NUFIP1: variants seen among roughly 807,000 people sequenced by gnomAD.
The protein encoded by NUFIP1 is FMR1-interacting protein NUFIP1.
In NUFIP1, 38 loss-of-function variants were observed where a neutral mutation model predicts 56.2. The ratio of observed to expected loss-of-function variants is 0.68; its 90% CI spans 0.52 to 0.89. The LOEUF (loss-of-function observed/expected upper bound fraction) is 0.89. Ranked by LOEUF, NUFIP1 falls within the 40% of genes least tolerant of loss-of-function variation. The probability of loss-of-function intolerance (pLI) is 0.00; values close to 1 mark genes in which losing one functional copy is unlikely to be tolerated. For missense variants in NUFIP1, 567 were observed against 605.8 expected, an observed-to-expected ratio of 0.94 and a Z score of 0.67; for synonymous variants, 215 against 212.4, an observed-to-expected ratio of 1.01 and a Z score of -0.10.
intron 6 of NUFIP1, among the ~76,000 whole-genome samples, chr13:44,962,086 T>TA (rs950489540): frequency 4.6e-5 from 7 of 151,334 alleles, no homozygotes; most frequent in Non-Finnish European, 7.4e-5. Context: ...GAGAGATTAA[T>TA]AAAAAAAAGA....
At chr13:44,986,662 A>G (rs1354040206) in intron 1 of NUFIP1, among the ~76,000 whole-genome samples, 1 of 150,344 alleles carries the variant, frequency 6.7e-6, no homozygotes, top group Non-Finnish European at 1.5e-5. Flanking sequence ...ACTGCACTCC[A>G]GCCTGGGCAA....
intron 5 of NUFIP1, among the ~76,000 whole-genome samples, chr13:44,967,877 T>C (rs1204628154): frequency 6.6e-6 from 1 of 152,228 alleles, no homozygotes; most frequent in East Asian, 1.9e-4. Flanking sequence ...CTACCCCGTC[T>C]GGCTGCTGAT....
chr13:44,952,068 A>G (rs1871099644), intron 7 of NUFIP1, among the ~76,000 whole-genome samples: 1 of 152,186 alleles, frequency 6.6e-6, no homozygotes, highest in Admixed American at 6.5e-5. Context: ...ATCACTTCAG[A>G]TAAAAGCACA....
At chr13:44,975,084 G>C (rs1450413762) in intron 5 of NUFIP1, among the ~76,000 whole-genome samples, 1 of 152,118 alleles carries the variant, frequency 6.6e-6, no homozygotes, top group African/African-American at 2.4e-5. Flanking sequence ...GGCTTCCAGA[G>C]GAAGTTTTCT....
chr13:44,981,487 G>A (rs1872187666), intron 2 of NUFIP1, among the ~76,000 whole-genome samples: 1 of 152,162 alleles, frequency 6.6e-6, no homozygotes, highest in African/African-American at 2.4e-5. Flanking sequence ...ACAAACTTCT[G>A]ACTGCACCTC....
In NUFIP1 at chr13:44,941,148, C is replaced by T; in HGVS notation, c.*58G>A. ...AAAAAAGGGTTTTGGTTTTCCTCTA[C>T]TAACGAGGATGATACTGTTTCACAT... On this transcript the variant is annotated 3_prime_UTR_variant, in exon 10 of 10. Coordinates refer to ENST00000379161, the MANE Select transcript of NUFIP1 (RefSeq NM_012345.3). The T allele has an allele frequency of 2.3e-6, 2 of 866,734 alleles. No individual in the cohort carries two copies. Among genetic ancestry groups the T allele is most frequent in the South Asian group, 1.6e-5 (1 of 60,930 alleles). The allele number at this position is 866,734 out of a possible 1,614,324, so 53.7% of individuals were successfully genotyped here.
At chr13:44,947,514 C>T (rs1870940660) in intron 8 of NUFIP1, among the ~76,000 whole-genome samples, 1 of 152,088 alleles carries the variant, frequency 6.6e-6, no homozygotes, top group Non-Finnish European at 1.5e-5. Context: ...GCTGGGATTG[C>T]AGACATGAGC....
intron 1 of NUFIP1, among the ~76,000 whole-genome samples, chr13:44,983,115 A>G (rs1872252805): frequency 6.6e-6 from 1 of 152,056 alleles, no homozygotes; most frequent in African/African-American, 2.4e-5. Context: ...TCAGCCTCCA[A>G]AGTCCTGGGA....
At chr13:44,960,133 T>C (rs184112333) in intron 6 of NUFIP1, among the ~76,000 whole-genome samples, 20 of 152,248 alleles carry the variant, frequency 1.3e-4, no homozygotes, top group African/African-American at 3.6e-4. Flanking sequence ...GGTTTCACCA[T>C]GTTGGCCAGG....
rs751535755 is a variant in NUFIP1, at chr13:44,959,536, T to A, written c.866A>T (p.Lys289Met). The A allele has an allele frequency of 4.4e-5, 71 of 1,613,196 alleles. No individual in the cohort carries two copies. The Middle Eastern group carries it at 1.8e-3, about 41-fold the overall frequency. Residue 289 changes from lysine (K) to methionine (M), a missense_variant, in exon 7 of 10, where the codon AAG (lysine) becomes ATG (methionine). Coordinates refer to ENST00000379161, the MANE Select transcript of NUFIP1 (RefSeq NM_012345.3). Reference sequence around the variant, plus strand: ...GTGATTCTTGCCAGGACTTCTGATCTTTGCCATTTGTGAATGTCTGGACAT... The same window carrying A: ...GTGATTCTTGCCAGGACTTCTGATCATTGCCATTTGTGAATGTCTGGACAT... ...KGMSRHSQMA[K>M]IRSPGKNHKW...
At position 44,940,282 on chromosome 13, in the gene NUFIP1, T is replaced by C. The variant is rs1471819143; in HGVS notation, c.*924A>G. 6 of 152,178 alleles carry C rather than the reference T, an allele frequency of 3.9e-5. No individual in the cohort carries two copies. The highest frequency in any genetic ancestry group is 7.3e-5 in the Non-Finnish European group (5 of 68,030). The allele number at this position is 152,178 out of a possible 1,614,324, so 9.4% of individuals were successfully genotyped here. A position where few individuals can be genotyped will look rare whatever the true frequency, so the allele number is the denominator to read the frequency against. On this transcript the variant is annotated 3_prime_UTR_variant, in exon 10 of 10. Transcript: ENST00000379161. ...GGTCTGTGACGTCACTAGGGTCACA[T>C]GCCAGGTGTTCCAAGATTCTGGAGA... is the stretch of plus-strand genomic sequence containing the variant.
intron 7 of NUFIP1, among the ~76,000 whole-genome samples, chr13:44,951,722 T>G (rs749531402): frequency 9.9e-5 from 15 of 152,220 alleles, no homozygotes; most frequent in African/African-American, 9.7e-5. Flanking sequence ...TCACACAAAT[T>G]TTCTGGTTTC....
intron 1 of NUFIP1, among the ~76,000 whole-genome samples, chr13:44,983,556 G>C (rs1051841489): frequency 2.6e-5 from 4 of 152,126 alleles, no homozygotes; most frequent in Non-Finnish European, 5.9e-5. Context: ...CAACACTTTG[G>C]GAGGCCAAGG....
At chr13:44,957,609 T>C (rs529986810) in intron 7 of NUFIP1, among the ~76,000 whole-genome samples, 8 of 152,340 alleles carry the variant, frequency 5.3e-5, no homozygotes, top group Non-Finnish European at 1.0e-4. Context: ...CTAAGGCATC[T>C]ACTGAGGACT....
chr13:44,982,666 C>T (rs1295199508), intron 1 of NUFIP1, among the ~76,000 whole-genome samples: 1 of 149,606 alleles, frequency 6.7e-6, no homozygotes, highest in South Asian at 2.1e-4. Context: ...CATACTGACA[C>T]CAAAAAAAAA....
At chr13:44,958,717 C>G (rs955428701) in intron 7 of NUFIP1, among the ~76,000 whole-genome samples, 2 of 152,162 alleles carry the variant, frequency 1.3e-5, no homozygotes, top group African/African-American at 4.8e-5. Context: ...TAAAGCCTCA[C>G]AATGTTACTG....
chr13:44,953,429 TCTA>T (rs1457701293), intron 7 of NUFIP1, among the ~76,000 whole-genome samples: 1 of 152,202 alleles, frequency 6.6e-6, no homozygotes, highest in Non-Finnish European at 1.5e-5. Flanking sequence ...TCTCATTTCT[TCTA>T]CATTTAATAA....
chr13:44,985,374 T>TA (rs1217719356), intron 1 of NUFIP1, among the ~76,000 whole-genome samples: 2 of 152,214 alleles, frequency 1.3e-5, no homozygotes, highest in African/African-American at 4.8e-5. Flanking sequence ...TTGCATCCCA[T>TA]ATATCCTATC....
intron 7 of NUFIP1, among the ~76,000 whole-genome samples, chr13:44,959,042 G>A (rs376873373): frequency 6.6e-6 from 1 of 152,020 alleles, no homozygotes; most frequent in African/African-American, 2.4e-5. Flanking sequence ...ATAGGTAAAG[G>A]GAAAATCCAC....
Sources: gnomAD v4.1 joint callset for allele counts (sites outside exome capture counted in the v4.1 genomes callset) on GRCh38, gnomAD v4.1.1 for gene constraint, MANE v1.5 for transcripts, NCBI Gene and HGNC (gene_info 2026-07-23, HGNC 2026-07-21) for gene names.